Variants in CDC5L observed in about 807,000 individuals in gnomAD.
CDC5L encodes the protein cell division cycle 5 like, also known as cell division cycle 5-like protein.
CDC5L carries 18 observed loss-of-function variants against 104.1 expected under a neutral mutation model. The ratio of observed to expected loss-of-function variants is 0.17; its 90% CI spans 0.12 to 0.26. CDC5L has a LOEUF of 0.26. Among genes scored for constraint, CDC5L ranks in the 10% least tolerant of loss-of-function variants. The probability of loss-of-function intolerance (pLI) is 1.00; values close to 1 mark genes in which losing one functional copy is unlikely to be tolerated. For missense variants in CDC5L, 673 were observed against 956.9 expected, an observed-to-expected ratio of 0.70 and a Z score of 3.91; for synonymous variants, 331 against 322.7, an observed-to-expected ratio of 1.03 and a Z score of -0.28.
At position 44,445,650 on chromosome 6, in the gene CDC5L, T is replaced by A. The variant is rs765306969; in HGVS notation, c.2092-5T>A. 1.9e-6 allele frequency: 3 copies of A among 1,606,016 alleles called. No individual in the cohort carries two copies. In the Admixed American group the frequency reaches 5.0e-5, roughly 27 times the overall value. ...ATGCTGATGTGATCTTCCCCTGCTCTCCAGATAAACAGGGGTCACATGACG... is the reference window on the plus strand; with the variant it reads ...ATGCTGATGTGATCTTCCCCTGCTCACCAGATAAACAGGGGTCACATGACG... On this transcript the variant is annotated splice_polypyrimidine_tract_variant and splice_region_variant and intron_variant, in intron 14 of 15. Coordinates refer to ENST00000371477, the MANE Select transcript of CDC5L (RefSeq NM_001253.4).
intron 9 of CDC5L, among the ~76,000 whole-genome samples, chr6:44,419,912 A>G (rs1792084688): frequency 6.6e-6 from 1 of 152,142 alleles, no homozygotes; most frequent in African/African-American, 2.4e-5. Context: ...AGCTGGGATT[A>G]CAGACATCCG....
At position 44,393,495 on chromosome 6, in the gene CDC5L, C is replaced by G; in HGVS notation, c.361C>G (p.Arg121Gly). Residue 121 changes from arginine to glycine, a missense_variant, in exon 4 of 16, where the codon CGA (arginine) becomes GGA (glycine). Transcript: ENST00000371477. Reference sequence around the variant, plus strand: ...TGAAGAGGAAACAACAGATGATCCACGAAAACTTAAACCTGGAGAAATAGA... The same window carrying G: ...TGAAGAGGAAACAACAGATGATCCAGGAAAACTTAAACCTGGAGAAATAGA... ...DNEEETTDDP[R>G]KLKPGEIDPN... is the part of the protein sequence containing the mutation. 1 of 1,613,860 alleles carries G rather than the reference C, an allele frequency of 6.2e-7. No individual in the cohort carries two copies. Among genetic ancestry groups the G allele is most frequent in the African/African-American group, 1.3e-5 (1 of 74,998 alleles).
intron 8 of CDC5L, among the ~76,000 whole-genome samples, chr6:44,415,925 G>A (rs546784868): frequency 3.3e-5 from 5 of 152,292 alleles, no homozygotes; most frequent in African/African-American, 1.2e-4. Flanking sequence ...ACTGACAGAA[G>A]TTGAGATTTA....
At chr6:44,398,324 A>T (rs1790964157) in intron 5 of CDC5L, among the ~76,000 whole-genome samples, 1 of 152,154 alleles carries the variant, frequency 6.6e-6, no homozygotes, top group African/African-American at 2.4e-5. Context: ...GTTGTAGGGG[A>T]CCAAATTTTT....
chr6:44,413,077 C>T lies in CDC5L; in HGVS notation c.1092+4445C>T, dbSNP rs562202813. Among the ~76,000 whole-genome samples the T allele has an allele frequency of 1.1e-4, 17 of 152,272 alleles. 1 individual carries two copies. The South Asian group carries it at 2.3e-3, about 20-fold the overall frequency. ...GATTACAGGCGTGAGCCACCGCGCC[C>T]GGCCCAATTTTAGAATAATTTCATC... On this transcript the variant is annotated intron_variant, in intron 8 of 15. Transcript: ENST00000371477.
intron 14 of CDC5L, among the ~76,000 whole-genome samples, chr6:44,435,164 C>G (rs1428127259): frequency 1.5e-5 from 2 of 134,396 alleles, no homozygotes; most frequent in Non-Finnish European, 3.1e-5. Flanking sequence ...AAACTGGGAT[C>G]ATATTCTACA....
At chr6:44,443,450 T>C (rs551941953) in intron 14 of CDC5L, among the ~76,000 whole-genome samples, 1 of 152,178 alleles carries the variant, frequency 6.6e-6, no homozygotes, top group South Asian at 2.1e-4. Flanking sequence ...AGTTGTTCTT[T>C]TCTCCTTCTG....
At chr6:44,403,200 C>T (rs1310704942) in intron 5 of CDC5L, among the ~76,000 whole-genome samples, 1 of 151,996 alleles carries the variant, frequency 6.6e-6, no homozygotes, top group African/African-American at 2.4e-5. Flanking sequence ...ATTAGATATG[C>T]ACAAATGGTA....
chr6:44,418,303 A>G (rs2153380272), intron 8 of CDC5L, among the ~76,000 whole-genome samples: 1 of 152,298 alleles, frequency 6.6e-6, no homozygotes, highest in East Asian at 1.9e-4. Context: ...AATTTCATCC[A>G]TGTCCCTACA....
chr6:44,388,002 G>GGGGCCCTTTCCGTGTGTC (rs1790412598), intron 1 of CDC5L, 134 bp downstream of exon 1: 1 of 757,748 alleles, frequency 1.3e-6, no homozygotes, highest in African/African-American at 1.8e-5. Context: ...GCTGACCCTT[G>GGGGCCCTTTCCGTGTGTC]GGGCCCTTTC....
At chr6:44,393,660 A>T in intron 4 of CDC5L, 87 bp downstream of exon 4, 2 of 1,333,236 alleles carry the variant, frequency 1.5e-6, no homozygotes, top group Non-Finnish European at 1.0e-6. Flanking sequence ...GAACTCCTCT[A>T]CTTTAGAATC....
rs562281402 is a variant in CDC5L at position 44,387,799 on chromosome 6, C to T, written c.-25C>T. ...ACTTCTCTGAAGCTCCTCTCGGCTG[C>T]TTGCCGAGACACCCTGCCGCCAAGA... On this transcript the variant is annotated 5_prime_UTR_variant, in exon 1 of 16. Transcript: ENST00000371477. 4.5e-6 allele frequency: 7 copies of T among 1,553,176 alleles called. No homozygotes were observed. Among genetic ancestry groups the T allele is most frequent in the Non-Finnish European group, 6.1e-6 (7 of 1,146,862 alleles).
In CDC5L at chr6:44,449,784, A is replaced by C. The variant is rs941411271; in HGVS notation, c.*3073A>C. ...AACCATGCATCCTCCCTAGAAATGC[A>C]TTTGAATTTGATTTACTAATCTTTT... On this transcript the variant is annotated 3_prime_UTR_variant, in exon 16 of 16. Transcript: ENST00000371477. 6.6e-6 allele frequency: 1 copy of C among 151,848 alleles called. No homozygotes were observed. The highest frequency in any genetic ancestry group is 1.5e-5 in the Non-Finnish European group (1 of 67,968). The allele number at this position is 151,848 out of a possible 1,614,324, so 9.4% of individuals were successfully genotyped here.
chr6:44,417,928 C>A (rs1481597980), intron 8 of CDC5L, among the ~76,000 whole-genome samples: 4 of 152,178 alleles, frequency 2.6e-5, no homozygotes, highest in Non-Finnish European at 5.9e-5. Context: ...ATAGTAATTT[C>A]ATATGTGAGG....
chr6:44,405,409 C>T (rs967641643), intron 6 of CDC5L, among the ~76,000 whole-genome samples: 29 of 152,102 alleles, frequency 1.9e-4, no homozygotes, highest in African/African-American at 6.3e-4. Context: ...GGAAGGAGTA[C>T]TAAGTGGGGG....
At chr6:44,389,259 C>T (rs1790488828) in intron 1 of CDC5L, among the ~76,000 whole-genome samples, 1 of 152,036 alleles carries the variant, frequency 6.6e-6, no homozygotes, top group Non-Finnish European at 1.5e-5. Flanking sequence ...CCGAGGGAAC[C>T]AGACTGTTTA....
chr6:44,436,698 T>C (rs1017252708), intron 14 of CDC5L, among the ~76,000 whole-genome samples: 20 of 152,190 alleles, frequency 1.3e-4, no homozygotes, highest in Non-Finnish European at 2.8e-4. Flanking sequence ...TCATAGCCAC[T>C]CTTGTTTCCC....
chr6:44,419,634 T>C (rs1351199187), intron 9 of CDC5L, 37 bp downstream of exon 9: 8 of 1,538,280 alleles, frequency 5.2e-6, no homozygotes, highest in Non-Finnish European at 7.2e-6. Context: ...TTAGAAAAAC[T>C]TGAATTCAAG....
At chr6:44,390,399 C>A in intron 2 of CDC5L, 28 bp downstream of exon 2, 1 of 1,350,990 alleles carries the variant, frequency 7.4e-7, no homozygotes, top group Non-Finnish European at 1.1e-6. Flanking sequence ...AAGTGGAAAA[C>A]AGAAAAGGAG....
Sources: gnomAD v4.1 joint callset for allele counts (sites outside exome capture counted in the v4.1 genomes callset) on GRCh38, gnomAD v4.1.1 for gene constraint, MANE v1.5 for transcripts, NCBI Gene and HGNC (gene_info 2026-07-23, HGNC 2026-07-21) for gene names.